Variants in CDH18 observed in about 807,000 individuals in gnomAD.
The protein encoded by CDH18 is cadherin 18, also known as cadherin-18.
CDH18 carries 31 observed loss-of-function variants against 67.9 expected under a neutral mutation model. That is an observed-to-expected ratio of 0.46 (90% confidence interval 0.34 to 0.62). The LOEUF is 0.62. CDH18 is among the 20% of genes least tolerant of loss of function. The pLI is 0.01. For synonymous variants in CDH18, 362 were observed against 347.2 expected (o/e 1.04, Z -0.48); for missense variants, 890 against 975.5 (o/e 0.91, Z 1.17).
intron 2 of CDH18, among the ~76,000 whole-genome samples, chr5:19,956,772 G>GT (rs576987498): frequency 2.4e-4 from 36 of 151,800 alleles, no homozygotes; most frequent in African/African-American, 8.4e-4. Context: ...AAATATATAT[G>GT]TTTTTAATTT....
chr5:20,155,462 G>T (rs933986730), intron 2 of CDH18, among the ~76,000 whole-genome samples: 3 of 151,970 alleles, frequency 2.0e-5, no homozygotes, highest in Admixed American at 6.6e-5. Context: ...GTTCTTTGTA[G>T]ATTCTGGATA....
At chr5:20,284,710 A>G (rs1390148709) in intron 1 of CDH18, among the ~76,000 whole-genome samples, 1 of 151,996 alleles carries the variant, frequency 6.6e-6, no homozygotes, top group Admixed American at 6.6e-5. Context: ...CTAATTTAGC[A>G]AGGGAATTCT....
intron 1 of CDH18, among the ~76,000 whole-genome samples, chr5:20,556,596 T>G (rs991506410): frequency 3.9e-5 from 6 of 152,162 alleles, no homozygotes; most frequent in Non-Finnish European, 8.8e-5. Context: ...ACCTAGCATA[T>G]GAGTCATCAC....
At chr5:19,947,585 CAAAAAAA>C (rs35601486) in intron 2 of CDH18, among the ~76,000 whole-genome samples, 2 of 53,310 alleles carry the variant, frequency 3.8e-5, no homozygotes, top group African/African-American at 8.7e-5. Context: ...TACTAAAATA[CAAAAAAA>C]AAAAAAAAAA....
rs115614246 is a variant in CDH18, at chr5:19,728,583, A to G, written c.524-7117T>C. Among the ~76,000 whole-genome samples the G allele has an allele frequency of 7.6e-3, 1,158 of 152,266 alleles. 14 individuals are homozygous for G. Among genetic ancestry groups the G allele is most frequent in the African/African-American group, 0.026 (1,098 of 41,552 alleles). On this transcript the variant is annotated intron_variant, in intron 4 of 12. Transcript: ENST00000382275. ...TAAACAGCACGTATTTTGCATAGAC[A>G]CATATCAATGAGAGGCAGAAAGAGT... is the stretch of plus-strand genomic sequence containing the variant.
At chr5:20,447,984 T>C (rs1472198643) in intron 1 of CDH18, among the ~76,000 whole-genome samples, 1 of 152,086 alleles carries the variant, frequency 6.6e-6, no homozygotes. Flanking sequence ...ACATGTGCCA[T>C]GTTGGTGTGC....
chr5:19,945,849 C>T (rs1795232099), intron 2 of CDH18, among the ~76,000 whole-genome samples: 1 of 151,974 alleles, frequency 6.6e-6, no homozygotes, highest in African/African-American at 2.4e-5. Flanking sequence ...AACTAACAGA[C>T]TCAAAAATCA....
At chr5:20,552,017 G>T (rs1757659258) in intron 1 of CDH18, among the ~76,000 whole-genome samples, 1 of 152,016 alleles carries the variant, frequency 6.6e-6, no homozygotes, top group Non-Finnish European at 1.5e-5. Flanking sequence ...TATAGTTGGA[G>T]AAGAAAGAAG....
intron 5 of CDH18, among the ~76,000 whole-genome samples, chr5:19,691,187 A>G (rs952082308): frequency 1.3e-5 from 2 of 151,820 alleles, no homozygotes; most frequent in African/African-American, 2.4e-5. Flanking sequence ...AGAGAGTCAC[A>G]TAAGAGGAAT....
intron 1 of CDH18, among the ~76,000 whole-genome samples, chr5:20,310,637 C>T (rs1032649308): frequency 2.0e-5 from 3 of 152,152 alleles, no homozygotes; most frequent in South Asian, 2.1e-4. Flanking sequence ...GGGGTCTGAC[C>T]GGTGTAAGTG....
At chr5:20,420,954 A>G (rs1747813954) in intron 1 of CDH18, among the ~76,000 whole-genome samples, 1 of 151,222 alleles carries the variant, frequency 6.6e-6, no homozygotes, top group African/African-American at 2.5e-5. Flanking sequence ...CTAAAATTAA[A>G]TACTTTCCTA....
chr5:19,841,980 A>G (rs1448306276), intron 2 of CDH18, among the ~76,000 whole-genome samples: 1 of 152,242 alleles, frequency 6.6e-6, no homozygotes, highest in Non-Finnish European at 1.5e-5. Context: ...TTTATTTACT[A>G]TATAATAAGA....
chr5:19,769,992 A>G lies in CDH18; in HGVS notation c.229-22756T>C, dbSNP rs556293291. ...ATAAAGATAATCAACATCATTAGTC[A>G]TTACAGAAATGTAAATGAAAACCAC... is the stretch of plus-strand genomic sequence containing the variant. On this transcript the variant is annotated intron_variant, in intron 3 of 12. Coordinates refer to ENST00000382275, the MANE Select transcript of CDH18 (RefSeq NM_004934.5). Among the ~76,000 whole-genome samples, 3 of 152,210 alleles carry G rather than the reference A, an allele frequency of 2.0e-5. No individual in the cohort carries two copies. In the Middle Eastern group the frequency reaches 0.01, roughly 518 times the overall value.
rs996790821 is a variant in CDH18, at chr5:19,515,241, T to G, written c.1512+5416A>C. On this transcript the variant is annotated intron_variant, in intron 10 of 12. Coordinates refer to ENST00000382275, the MANE Select transcript of CDH18 (RefSeq NM_004934.5). Reference sequence around the variant, plus strand: ...GGTACCAGTACCATGCTGTTTTGGTTACTGTAGCCTTGTAGTATAGTTTGA... The same window carrying G: ...GGTACCAGTACCATGCTGTTTTGGTGACTGTAGCCTTGTAGTATAGTTTGA... 2.0e-5 allele frequency among the ~76,000 whole-genome samples: 3 copies of G among 152,218 alleles called. No individual in the cohort carries two copies. In the South Asian group the frequency reaches 6.2e-4, roughly 31 times the overall value.
At chr5:19,487,153 C>G (rs1385413112) in intron 11 of CDH18, among the ~76,000 whole-genome samples, 1 of 152,082 alleles carries the variant, frequency 6.6e-6, no homozygotes, top group African/African-American at 2.4e-5. Context: ...GAAAGTATCA[C>G]ATAGGGAGGA....
At chr5:20,438,011 TTTTGAC>T (rs1749306519) in intron 1 of CDH18, among the ~76,000 whole-genome samples, 1 of 151,230 alleles carries the variant, frequency 6.6e-6, no homozygotes, top group African/African-American at 2.4e-5. Context: ...TTAAGGGTAT[TTTTGAC>T]ATTATAACAT....
intron 1 of CDH18, among the ~76,000 whole-genome samples, chr5:20,444,779 CTT>C (rs60852616): frequency 8.7e-4 from 124 of 141,880 alleles, no homozygotes; most frequent in African/African-American, 2.5e-3. Flanking sequence ...TTTTTTCTTT[CTT>C]TTTTTTTTTT....
chr5:19,827,470 A>C (rs1028770343), intron 3 of CDH18, among the ~76,000 whole-genome samples: 1 of 152,158 alleles, frequency 6.6e-6, no homozygotes, highest in African/African-American at 2.4e-5. Context: ...TAAACTGTAA[A>C]ATCACCCACA....
intron 2 of CDH18, among the ~76,000 whole-genome samples, chr5:20,242,611 A>ATAT (rs1334205442): frequency 0.019 from 743 of 39,382 alleles, 21 homozygotes; most frequent in Non-Finnish European, 0.024. Context: ...AAAAAAAAAA[A>ATAT]ATATATATAT....
Sources: gnomAD v4.1 joint callset for allele counts (sites outside exome capture counted in the v4.1 genomes callset) on GRCh38, gnomAD v4.1.1 for gene constraint, MANE v1.5 for transcripts, NCBI Gene and HGNC (gene_info 2026-07-23, HGNC 2026-07-21) for gene names.